AGAP4: variants seen among roughly 807,000 people sequenced by gnomAD.
AGAP4 encodes the protein ArfGAP with GTPase domain, ankyrin repeat and PH domain 4, also known as arf-GAP with GTPase, ANK repeat and PH domain-containing protein 4.
Under a neutral mutation model 60.7 loss-of-function variants are expected in AGAP4, and 13 were observed. The ratio of observed to expected loss-of-function variants is 0.21; its 90% confidence interval spans 0.14 to 0.34. The LOEUF (loss-of-function observed/expected upper bound fraction) is 0.34. AGAP4 is among the 10% of genes least tolerant of loss of function. AGAP4 has a pLI of 1.00. For synonymous variants in AGAP4, 70 were observed against 339.0 expected (o/e 0.21, Z 8.72); for missense variants, 169 against 884.0 (o/e 0.19, Z 10.26).
intron 5 of AGAP4, among the ~76,000 whole-genome samples, chr10:45,832,342 T>A (rs1170101184): frequency 6.7e-6 from 1 of 149,462 alleles, no homozygotes; most frequent in African/African-American, 2.5e-5. Context: ...TAAAACTGAC[T>A]TGCCCAAGGT....
intron 4 of AGAP4, 131 bp downstream of exon 4, chr10:45,841,517 TAGAAG>T (rs2135954261): frequency 1.5e-6 from 1 of 661,810 alleles, no homozygotes; most frequent in African/African-American, 1.8e-5. Flanking sequence ...CTCAGGAAAA[TAGAAG>T]AGATTTAGAA....
intron 4 of AGAP4, among the ~76,000 whole-genome samples, chr10:45,834,974 C>T (rs2058794770): frequency 6.8e-6 from 1 of 146,406 alleles, no homozygotes; most frequent in Non-Finnish European, 1.5e-5. Context: ...GGGGTTTCAC[C>T]GTGTTAGCCA....
rs1173501923 is a variant in AGAP4 at position 45,841,695 on chromosome 10, T to TA, written c.362-9dup. On this transcript the variant is annotated splice_polypyrimidine_tract_variant and intron_variant, in intron 3 of 7. Transcript: ENST00000616763. ...TTCTTCTTATTTCTACAACTAAGAA[T>TA]AAAAAAAAAAAAACTGGTCACTTCT... The TA allele has an allele frequency of 0.026, 17,450 of 670,040 alleles. 1 individual carries two copies. The highest frequency in any genetic ancestry group is 0.048 in the South Asian group (1,833 of 37,824). 41.5% of individuals were successfully genotyped at this position (670,040 alleles called of 1,614,324 possible).
rs1350665624 is a variant in AGAP4 at position 45,847,489 on chromosome 10, C to G, written c.-142G>C. On this transcript the variant is annotated 5_prime_UTR_variant, in exon 1 of 8. Transcript: ENST00000616763. ...GCCTGCCCACCTCACAGCGCGGCCC[C>G]GGGCACCAGCCCTGGCCCTGGCCCT... The G allele has an allele frequency of 7.5e-5, 114 of 1,528,742 alleles. No individual in the cohort carries two copies. The highest frequency in any genetic ancestry group is 5.9e-5 in the Non-Finnish European group (68 of 1,145,114). 94.7% of individuals were successfully genotyped at this position (1,528,742 alleles called of 1,614,324 possible).
At chr10:45,850,913 C>G (rs1345760976), upstream of AGAP4, among the ~76,000 whole-genome samples, 2 of 151,868 alleles carry the variant, frequency 1.3e-5, no homozygotes, top group African/African-American at 4.8e-5. Context: ...TTGTGACATC[C>G]CAACATATGT....
At chr10:45,833,972 T>G in intron 5 of AGAP4, 44 bp downstream of exon 5, 1 of 611,872 alleles carries the variant, frequency 1.6e-6, no homozygotes, top group South Asian at 2.0e-5. Context: ...TGAAATAATT[T>G]TAGAATAAAG....
chr10:45,830,094 T>C (rs1426662762), intron 6 of AGAP4, among the ~76,000 whole-genome samples: 1 of 148,910 alleles, frequency 6.7e-6, no homozygotes, highest in Non-Finnish European at 1.5e-5. Context: ...TGTTAACAAA[T>C]ACCCACAACT....
At chr10:45,849,223 C>G (rs1314215768), upstream of AGAP4, among the ~76,000 whole-genome samples, 2 of 150,890 alleles carry the variant, frequency 1.3e-5, no homozygotes, top group African/African-American at 4.9e-5. Context: ...AAGACTCCAT[C>G]CCAAAAAACA....
At chr10:45,851,187 G>A (rs1465304386), upstream of AGAP4, among the ~76,000 whole-genome samples, 1 of 152,040 alleles carries the variant, frequency 6.6e-6, no homozygotes, top group Admixed American at 6.6e-5. Flanking sequence ...GAGAAGCTGT[G>A]TATAGTAAGG....
Position 45,832,414 on chromosome 10 carries a change from G to A in AGAP4, c.498-985C>T, listed in dbSNP as rs1335916678. 2.0e-5 allele frequency among the ~76,000 whole-genome samples: 3 copies of A among 149,610 alleles called. 1 individual carries two copies. The highest frequency in any genetic ancestry group is 7.4e-5 in the African/African-American group (3 of 40,708). ...AATTAAGCAGTGGCTGTCAAACTTT[G>A]CTGCACATTAAAATCGCCTGAGAAG... On this transcript the variant is annotated intron_variant, in intron 5 of 7. Transcript: ENST00000616763.
intron 4 of AGAP4, among the ~76,000 whole-genome samples, chr10:45,835,004 A>C (rs1224106771): frequency 1.4e-5 from 2 of 145,846 alleles, no homozygotes; most frequent in Admixed American, 6.7e-5. Context: ...CGATCTCCTC[A>C]CCTCGCGATC....
exon 1 of AGAP4, chr10:45,853,810 G>C: frequency 1.1e-5 from 14 of 1,286,830 alleles, no homozygotes; most frequent in Non-Finnish European, 1.3e-5. Flanking sequence ...TCTTGTCTTT[G>C]CTGGTTTTAT....
rs1343748936 is a variant in AGAP4, at chr10:45,835,068, C to A, written c.397-952G>T. On this transcript the variant is annotated intron_variant, in intron 4 of 7. Coordinates refer to ENST00000616763, the MANE Select transcript of AGAP4 (RefSeq NM_001276343.3). ...GATTACAGGCGTGAGCCACGGCGCC[C>A]AGCCCTTCTATTATTTATTTACTAC... 6.9e-5 allele frequency among the ~76,000 whole-genome samples: 10 copies of A among 145,714 alleles called. No homozygotes were observed. The South Asian group carries it at 2.1e-3, about 31-fold the overall frequency.
chr10:45,841,826 T>C, intron 3 of AGAP4, 139 bp from the exon 4 acceptor site: 1 of 905,666 alleles, frequency 1.1e-6, no homozygotes, highest in South Asian at 2.0e-5. Context: ...TAACATATAA[T>C]TTAAATTATC....
At chr10:45,850,237 ATTTT>A (rs1245325744), upstream of AGAP4, among the ~76,000 whole-genome samples, 1 of 148,016 alleles carries the variant, frequency 6.8e-6, no homozygotes, top group South Asian at 2.3e-4. Flanking sequence ...ACAGAACAAC[ATTTT>A]TTTGATGTGG....
rs1294236426 is a variant in AGAP4 at position 45,825,647 on chromosome 10, T to C, written c.*268A>G. The stretch of plus-strand genomic sequence containing the variant: ...TTATTTCAAATATATTTTCACACAT[T>C]TTATCTAAATACATAATACAGAAGC... On this transcript the variant is annotated 3_prime_UTR_variant, in exon 8 of 8. Coordinates refer to ENST00000616763, the MANE Select transcript of AGAP4 (RefSeq NM_001276343.3). 1.7e-5 allele frequency: 8 copies of C among 472,774 alleles called. No homozygotes were observed. The highest frequency in any genetic ancestry group is 5.5e-5 in the South Asian group (2 of 36,294). 29.3% of individuals were successfully genotyped at this position (472,774 alleles called of 1,614,324 possible). A position where few individuals can be genotyped will look rare whatever the true frequency, so the allele number is the denominator to read the frequency against.
intron 6 of AGAP4, among the ~76,000 whole-genome samples, chr10:45,830,649 C>A (rs1295549894): frequency 2.4e-5 from 3 of 126,644 alleles, no homozygotes; most frequent in African/African-American, 6.0e-5. Context: ...TCATGCCCAG[C>A]CAAGTTTTTG....
upstream of AGAP4, among the ~76,000 whole-genome samples, chr10:45,851,696 G>C (rs1185332455): frequency 2.6e-5 from 4 of 151,006 alleles, no homozygotes; most frequent in African/African-American, 2.4e-5. Flanking sequence ...TAAAGGGAAA[G>C]AGCCAACAGA....
At chr10:45,831,450 A>C in intron 5 of AGAP4, 21 bp from the exon 6 acceptor site, 1 of 1,588,238 alleles carries the variant, frequency 6.3e-7, no homozygotes, top group Non-Finnish European at 8.5e-7. Context: ...AAAAAAATTC[A>C]TAACAATAGA....
Sources: gnomAD v4.1 joint callset for allele counts (sites outside exome capture counted in the v4.1 genomes callset) on GRCh38, gnomAD v4.1.1 for gene constraint, MANE v1.5 for transcripts, NCBI Gene and HGNC (gene_info 2026-07-23, HGNC 2026-07-21) for gene names.